Variants in NEGR1 observed in about 807,000 individuals in gnomAD.
NEGR1 encodes IgLON family member 4.
Under a neutral mutation model 40.9 loss-of-function variants are expected in NEGR1, and 10 were observed. The ratio of observed to expected loss-of-function variants is 0.24; its 90% CI spans 0.15 to 0.42. NEGR1 has a LOEUF of 0.42. Among genes scored for constraint, NEGR1 ranks in the 10% least tolerant of loss-of-function variants. NEGR1 has a pLI of 1.00. For synonymous variants in NEGR1, 185 were observed against 166.8 expected (o/e 1.11, Z -0.84); for missense variants, 352 against 438.9 (o/e 0.80, Z 1.77).
At chr1:71,479,951 T>C (rs1646844012) in intron 6 of NEGR1, among the ~76,000 whole-genome samples, 1 of 151,974 alleles carries the variant, frequency 6.6e-6, no homozygotes, top group Non-Finnish European at 1.5e-5. Flanking sequence ...ACTTCTTTTA[T>C]GTGATTCATA....
intron 4 of NEGR1, among the ~76,000 whole-genome samples, chr1:71,673,965 T>G (rs1383780807): frequency 6.6e-6 from 1 of 152,112 alleles, no homozygotes; most frequent in Admixed American, 6.6e-5. Flanking sequence ...ATTTTTACAA[T>G]TAAATATTAG....
intron 2 of NEGR1, among the ~76,000 whole-genome samples, chr1:71,856,648 T>C (rs1163546085): frequency 6.6e-6 from 1 of 152,042 alleles, no homozygotes; most frequent in Non-Finnish European, 1.5e-5. Context: ...ATTACAAATA[T>C]CATCTGTCTA....
intron 1 of NEGR1, among the ~76,000 whole-genome samples, chr1:72,236,504 C>T (rs935365908): frequency 1.3e-5 from 2 of 151,846 alleles, no homozygotes; most frequent in African/African-American, 4.8e-5. Flanking sequence ...TTTTGAAGTG[C>T]CTGTACTAAT....
chr1:71,438,548 T>TTTTG (rs199543183), intron 6 of NEGR1, among the ~76,000 whole-genome samples: 10 of 152,132 alleles, frequency 6.6e-5, no homozygotes, highest in African/African-American at 2.2e-4. Flanking sequence ...TTTTAGGATT[T>TTTTG]TTTGTTTGTT....
At chr1:72,033,235 A>G (rs1366673488) in intron 1 of NEGR1, among the ~76,000 whole-genome samples, 2 of 152,198 alleles carry the variant, frequency 1.3e-5, no homozygotes, top group African/African-American at 2.4e-5. Flanking sequence ...GCCTGGCATG[A>G]TAAAAGGAAC....
intron 2 of NEGR1, among the ~76,000 whole-genome samples, chr1:71,837,989 T>C (rs1190481730): frequency 6.6e-6 from 1 of 152,142 alleles, no homozygotes; most frequent in Non-Finnish European, 1.5e-5. Context: ...ACTGACAAAA[T>C]GTATTTTTCT....
At chr1:71,412,215 A>G (rs11806447) in intron 6 of NEGR1, among the ~76,000 whole-genome samples, 8,707 of 152,012 alleles carry the variant, frequency 0.057, 796 homozygotes, top group African/African-American at 0.2. Flanking sequence ...CATACAAGCC[A>G]TTTTCTGAGC....
At chr1:72,127,664 A>G (rs1285660857) in intron 1 of NEGR1, among the ~76,000 whole-genome samples, 1 of 152,068 alleles carries the variant, frequency 6.6e-6, no homozygotes, top group Non-Finnish European at 1.5e-5. Context: ...TTTATTTACA[A>G]AATAAATAGA....
At chr1:71,455,315 T>C (rs988151918) in intron 6 of NEGR1, among the ~76,000 whole-genome samples, 2 of 152,226 alleles carry the variant, frequency 1.3e-5, no homozygotes, top group African/African-American at 4.8e-5. Context: ...TAAGTATTAA[T>C]TGAATGACTG....
intron 2 of NEGR1, among the ~76,000 whole-genome samples, chr1:71,921,175 G>A (rs533210453): frequency 1.3e-5 from 2 of 151,998 alleles, no homozygotes; most frequent in East Asian, 1.9e-4. Flanking sequence ...TGATATTCAG[G>A]AATGAGACAT....
intron 3 of NEGR1, among the ~76,000 whole-genome samples, chr1:71,724,987 G>A (rs1654626192): frequency 1.3e-5 from 2 of 152,084 alleles, no homozygotes; most frequent in South Asian, 4.1e-4. Flanking sequence ...AGGTGAAGCA[G>A]CAGTGTGGTT....
At chr1:72,087,686 A>G (rs985550281) in intron 1 of NEGR1, among the ~76,000 whole-genome samples, 2 of 150,036 alleles carry the variant, frequency 1.3e-5, no homozygotes, top group Non-Finnish European at 3.0e-5. Flanking sequence ...CTGTGATACC[A>G]TAACTCAGTG....
At chr1:71,735,490 C>T (rs1409292310) in intron 3 of NEGR1, among the ~76,000 whole-genome samples, 2 of 151,770 alleles carry the variant, frequency 1.3e-5, no homozygotes, top group Non-Finnish European at 2.9e-5. Flanking sequence ...GGGACATTGC[C>T]TCTTAAAATG....
At chr1:71,535,971 C>T (rs1406199564) in intron 6 of NEGR1, among the ~76,000 whole-genome samples, 1 of 151,554 alleles carries the variant, frequency 6.6e-6, no homozygotes, top group Non-Finnish European at 1.5e-5. Flanking sequence ...ATATAAACAA[C>T]CAAGTGAGAG....
chr1:71,473,169 A>G lies in NEGR1; in HGVS notation c.941-65599T>C, dbSNP rs112317348. Among the ~76,000 whole-genome samples, 1,058 of 152,236 alleles carry G rather than the reference A, an allele frequency of 6.9e-3. 10 individuals carry two copies. Among genetic ancestry groups the G allele is most frequent in the African/African-American group, 0.024 (1,016 of 41,574 alleles). ...TTGAGACTTTCCCAGAATTAAACAT[A>G]TAAGTACTAAGATTGAAAGTGCACA... is the stretch of plus-strand genomic sequence containing the variant. On this transcript the variant is annotated intron_variant, in intron 6 of 6. Transcript: ENST00000357731.
intron 2 of NEGR1, among the ~76,000 whole-genome samples, chr1:71,819,380 G>A (rs1264383716): frequency 6.6e-6 from 1 of 151,900 alleles, no homozygotes; most frequent in African/African-American, 2.4e-5. Context: ...TGCCACTATA[G>A]ACCAAATAGA....
chr1:72,125,496 T>A (rs1456360071), intron 1 of NEGR1, among the ~76,000 whole-genome samples: 1 of 152,032 alleles, frequency 6.6e-6, no homozygotes, highest in Non-Finnish European at 1.5e-5. Flanking sequence ...ATATACTGAA[T>A]TGCATAGGCT....
chr1:72,151,602 T>C (rs12088565), intron 1 of NEGR1, among the ~76,000 whole-genome samples: 6,410 of 151,814 alleles, frequency 0.042, 440 homozygotes, highest in African/African-American at 0.15. Context: ...TCATTATTAC[T>C]ATGCAAAATT....
intron 6 of NEGR1, among the ~76,000 whole-genome samples, chr1:71,440,580 C>G (rs1248804880): frequency 6.6e-6 from 1 of 152,148 alleles, no homozygotes; most frequent in African/African-American, 2.4e-5. Flanking sequence ...GGAAAGGATA[C>G]TACTGATTCC....
Sources: allele counts gnomAD v4.1 joint callset (sites outside exome capture counted in the v4.1 genomes callset), GRCh38; gene constraint gnomAD v4.1.1; transcripts MANE v1.5; gene names NCBI Gene and HGNC (gene_info 2026-07-23, HGNC 2026-07-21).